The following ESRRB variants were observed in gnomAD, a reference collection of about 807,000 sequenced individuals.
ESRRB encodes steroid hormone receptor ERR2.
A neutral mutation model predicts 46.0 loss-of-function variants in ESRRB; 16 were observed. The observed-to-expected ratio is 0.35, with a 90% CI of 0.24 to 0.53. The LOEUF (loss-of-function observed/expected upper bound fraction) is 0.53. Among genes scored for constraint, ESRRB ranks in the 20% least tolerant of loss-of-function variants. The pLI, the probability that ESRRB is intolerant of heterozygous loss-of-function variation, is 0.93. For synonymous variants in ESRRB, 246 were observed against 259.6 expected (o/e 0.95, Z 0.50); for missense variants, 488 against 607.4 (o/e 0.80, Z 2.07).
upstream of ESRRB, among the ~76,000 whole-genome samples, chr14:76,370,439 G>A (rs1423816856): frequency 4.6e-5 from 7 of 151,968 alleles, no homozygotes; most frequent in African/African-American, 1.4e-4. Flanking sequence ...GAAACTGAAC[G>A]ATAATGTAAT....
intron 1 of ESRRB, among the ~76,000 whole-genome samples, chr14:76,342,841 G>T (rs1253698967): frequency 6.6e-6 from 1 of 152,202 alleles, no homozygotes; most frequent in Non-Finnish European, 1.5e-5. Flanking sequence ...CATTGTGACA[G>T]GTCCTGGGAT....
chr14:76,447,424 C>T (rs1173234816), intron 2 of ESRRB, among the ~76,000 whole-genome samples: 2 of 152,094 alleles, frequency 1.3e-5, no homozygotes, highest in African/African-American at 4.8e-5. Flanking sequence ...CTTCTGCGCC[C>T]AGCATCTTCC....
At chr14:76,326,107 G>T (rs142779614) in intron 1 of ESRRB, among the ~76,000 whole-genome samples, 3 of 152,200 alleles carry the variant, frequency 2.0e-5, no homozygotes, top group Non-Finnish European at 4.4e-5. Context: ...GGACCCATGC[G>T]TTCTCTCTGT....
At chr14:76,387,815 G>A (rs1885300590) in intron 1 of ESRRB, among the ~76,000 whole-genome samples, 2 of 152,226 alleles carry the variant, frequency 1.3e-5, no homozygotes, top group Non-Finnish European at 2.9e-5. Context: ...TAAGAAAAGT[G>A]TCTGAGGGGG....
intron 6 of ESRRB, chr14:76,495,509 A>G (rs1250348897): frequency 6.8e-6 from 1 of 147,168 alleles, no homozygotes; most frequent in Non-Finnish European, 1.5e-5. Flanking sequence ...CCCTCTTGCT[A>G]TCAAGTAGAT....
chr14:76,440,132 C>A (rs181546153), intron 2 of ESRRB, among the ~76,000 whole-genome samples: 1 of 152,114 alleles, frequency 6.6e-6, no homozygotes, highest in African/African-American at 2.4e-5. Flanking sequence ...TCCAGACTTA[C>A]GGGACATAGA....
At chr14:76,350,569 C>T (rs764243628) in intron 1 of ESRRB, among the ~76,000 whole-genome samples, 28 of 151,892 alleles carry the variant, frequency 1.8e-4, no homozygotes, top group Non-Finnish European at 7.3e-5. Flanking sequence ...GAGTCACTCC[C>T]CAGTTTTCAG....
Position 76,334,816 on chromosome 14 carries a change from C to T in ESRRB, c.2+23900C>T, listed in dbSNP as rs72731603. 2.0e-3 allele frequency among the ~76,000 whole-genome samples: 300 copies of T among 152,300 alleles called. 1 individual carries two copies. The highest frequency in any genetic ancestry group is 2.9e-3 in the Non-Finnish European group (197 of 68,026). On this transcript the variant is annotated intron_variant, in intron 1 of 6. Coordinates refer to the ESRRB transcript ENST00000512784. Reference sequence around the variant, plus strand: ...TGGGGGAACCAGAAACACTTGGGTGCCATCAGCTAGGGCTGGTAGAAACTG... The same window carrying T: ...TGGGGGAACCAGAAACACTTGGGTGTCATCAGCTAGGGCTGGTAGAAACTG...
intron 3 of ESRRB, chr14:76,463,258 G>A (rs1293947886): frequency 5.7e-6 from 1 of 175,922 alleles, no homozygotes; most frequent in African/African-American, 2.4e-5. Context: ...TGGCTCCCGA[G>A]TGCTGGTCCA....
At chr14:76,363,251 A>T (rs1884485140) in intron 1 of ESRRB, among the ~76,000 whole-genome samples, 1 of 152,164 alleles carries the variant, frequency 6.6e-6, no homozygotes, top group South Asian at 2.1e-4. Flanking sequence ...TATTTTGCTG[A>T]GGAATTTATT....
chr14:76,339,397 G>A (rs1884164701), intron 1 of ESRRB, among the ~76,000 whole-genome samples: 2 of 152,196 alleles, frequency 1.3e-5, no homozygotes, highest in South Asian at 4.1e-4. Context: ...CAAAGGGCCA[G>A]GCACATGGTC....
rs1439424807 is a variant in ESRRB at position 76,498,614 on chromosome 14, A to C, written c.*156A>C. 30 of 1,108,070 alleles carry C rather than the reference A, an allele frequency of 2.7e-5. 1 individual carries two copies. The African/African-American group carries it at 6.3e-4, about 23-fold the overall frequency. 68.6% of individuals were successfully genotyped at this position (1,108,070 alleles called of 1,614,324 possible). A position where few individuals can be genotyped will look rare whatever the true frequency, so the allele number is the denominator to read the frequency against. On this transcript the variant is annotated 3_prime_UTR_variant, in exon 7 of 7. Coordinates refer to ENST00000644823, the MANE Select transcript of ESRRB (RefSeq NM_001379180.1). ...TTTCTCACCTCCTGGCTGTGTGCAGACTCCCGGGTGCAGTGGGGTGGGGGA... is the reference window on the plus strand; with the variant it reads ...TTTCTCACCTCCTGGCTGTGTGCAGCCTCCCGGGTGCAGTGGGGTGGGGGA...
At chr14:76,407,190 T>C (rs890708846) in intron 1 of ESRRB, among the ~76,000 whole-genome samples, 3 of 152,152 alleles carry the variant, frequency 2.0e-5, no homozygotes, top group Non-Finnish European at 4.4e-5. Context: ...TCCTCAGAAA[T>C]TCTGAGTCAG....
At chr14:76,431,459 T>G (rs949441011) in intron 1 of ESRRB, among the ~76,000 whole-genome samples, 2 of 152,172 alleles carry the variant, frequency 1.3e-5, no homozygotes, top group African/African-American at 4.8e-5. Flanking sequence ...CAACCTGCTT[T>G]GTAATCCAGC....
intron 1 of ESRRB, among the ~76,000 whole-genome samples, chr14:76,388,772 C>A (rs1206814788): frequency 6.6e-6 from 1 of 152,146 alleles, no homozygotes; most frequent in African/African-American, 2.4e-5. Context: ...AGTGGTTTGA[C>A]CCCCTCCATG....
chr14:76,500,362 G>T lies in ESRRB; in HGVS notation c.*1904G>T. ...AGGCACTGGAGCCGTTACCCAGGAT[G>T]CTGCGGCCCTAGCCCTCCATGCAGC... On this transcript the variant is annotated 3_prime_UTR_variant, in exon 7 of 7. Transcript: ENST00000644823. The T allele has an allele frequency of 5.1e-6, 3 of 584,594 alleles. No homozygotes were observed. 36.2% of individuals were successfully genotyped at this position (584,594 alleles called of 1,614,324 possible). A position where few individuals can be genotyped will look rare whatever the true frequency, so the allele number is the denominator to read the frequency against.
chr14:76,356,042 G>A (rs1482465880), intron 1 of ESRRB, among the ~76,000 whole-genome samples: 1 of 152,224 alleles, frequency 6.6e-6, no homozygotes. Context: ...CCCAGAGGGA[G>A]CCATGGGGAG....
intron 1 of ESRRB, among the ~76,000 whole-genome samples, chr14:76,425,521 C>T (rs1435063114): frequency 6.6e-6 from 1 of 151,886 alleles, no homozygotes; most frequent in African/African-American, 2.4e-5. Context: ...TCCTCACCTC[C>T]TTCCTCCCCC....
intron 1 of ESRRB, among the ~76,000 whole-genome samples, chr14:76,346,043 T>C (rs147276342): frequency 3.2e-4 from 49 of 152,164 alleles, no homozygotes; most frequent in African/African-American, 1.1e-3. Context: ...TGGTATCCGG[T>C]GGTTGCCGGA....
Sources: gnomAD v4.1 joint callset for allele counts (sites outside exome capture counted in the v4.1 genomes callset) on GRCh38, gnomAD v4.1.1 for gene constraint, MANE v1.5 for transcripts, NCBI Gene and HGNC (gene_info 2026-07-23, HGNC 2026-07-21) for gene names.